TENT4A: variants seen among roughly 807,000 people sequenced by gnomAD.
TENT4A encodes DNA polymerase kappa.
Under a neutral mutation model 72.8 loss-of-function variants are expected in TENT4A, and 7 were observed. That is an observed-to-expected ratio of 0.10 (90% confidence interval 0.05 to 0.18). The LOEUF (loss-of-function observed/expected upper bound fraction) is 0.18. Ranked by LOEUF, TENT4A falls within the 10% of genes least tolerant of loss-of-function variation. The probability of loss-of-function intolerance (pLI) is 1.00; values close to 1 mark genes in which losing one functional copy is unlikely to be tolerated. For synonymous variants in TENT4A, 456 were observed against 434.3 expected (o/e 1.05, Z -0.62); for missense variants, 831 against 1,017.7 (o/e 0.82, Z 2.50).
intron 4 of TENT4A, among the ~76,000 whole-genome samples, chr5:6,740,167 G>A (rs887875881): frequency 1.3e-5 from 2 of 152,226 alleles, no homozygotes; most frequent in East Asian, 3.9e-4. Context: ...ATCTGAAACC[G>A]GACACTGACA....
intron 11 of TENT4A, among the ~76,000 whole-genome samples, chr5:6,752,635 C>G (rs558001786): frequency 5.6e-4 from 85 of 152,238 alleles, no homozygotes; most frequent in Non-Finnish European, 1.1e-3. Context: ...CAATGAGTTT[C>G]AAACTTTATG....
At chr5:6,736,437 AT>A in intron 1 of TENT4A, among the ~76,000 whole-genome samples, 1 of 152,202 alleles carries the variant, frequency 6.6e-6, no homozygotes, top group East Asian at 1.9e-4. Context: ...TGTTTGCCTT[AT>A]TTATGAAACA....
rs1242001776 is a variant in TENT4A at position 6,750,490 on chromosome 5, C to T, written c.1847C>T (p.Ser616Phe). 1 of 1,597,322 alleles carries T rather than the reference C, an allele frequency of 6.3e-7. No individual in the cohort carries two copies. The highest frequency in any genetic ancestry group is 8.5e-7 in the Non-Finnish European group (1 of 1,173,084). Residue 616 changes from serine to phenylalanine, a missense_variant, in exon 10 of 13, where the codon TCT (serine) becomes TTT (phenylalanine). Coordinates refer to ENST00000230859, the MANE Select transcript of TENT4A (RefSeq NM_006999.6). ...GSSASSVSSL[S>F]GSDVDSDTPP... The stretch of plus-strand genomic sequence containing the variant: ...TCGGCCTCTTCTGTGTCTTCACTTT[C>T]TGGGAGTGACGTTGTAAGTGCCCTC...
At chr5:6,740,527 G>C (rs1283116326) in intron 4 of TENT4A, among the ~76,000 whole-genome samples, 1 of 152,174 alleles carries the variant, frequency 6.6e-6, no homozygotes, top group Non-Finnish European at 1.5e-5. Flanking sequence ...ATAGTGTTTA[G>C]CAGAATGTAA....
chr5:6,714,684 G>A lies in TENT4A; in HGVS notation c.701G>A (p.Ser234Asn), dbSNP rs1740269813. 8.4e-7 allele frequency: 1 copy of A among 1,194,460 alleles called. No individual in the cohort carries two copies. Among genetic ancestry groups the A allele is most frequent in the Non-Finnish European group, 1.0e-6 (1 of 963,752 alleles). The allele number at this position is 1,194,460 out of a possible 1,614,324, so 74.0% of individuals were successfully genotyped here. A position where few individuals can be genotyped will look rare whatever the true frequency, so the allele number is the denominator to read the frequency against. Residue 234 changes from serine (S) to asparagine (N), a missense_variant, in exon 1 of 13, where the codon AGC (serine) becomes AAC (asparagine). By Grantham distance (46) the Ser-to-Asn change is conservative. Coordinates refer to ENST00000230859, the MANE Select transcript of TENT4A (RefSeq NM_006999.6). The part of the protein sequence containing the change: ...PGTPWKSRAY[S>N]PGIQGLHEEI... ...ACCCCGTGGAAGAGCCGCGCGTACA[G>A]CCCGGGCATCCAGGGGTGAGTGCGC...
At chr5:6,748,373 C>G in intron 7 of TENT4A, 91 bp from the exon 8 acceptor site, 1 of 1,523,736 alleles carries the variant, frequency 6.6e-7, no homozygotes, top group Non-Finnish European at 9.0e-7. Context: ...GTGGTGAGGG[C>G]CTGCTTCAGA....
chr5:6,742,609 G>T lies in TENT4A; in HGVS notation c.1116+12G>T, dbSNP rs1169987732. 3.2e-6 allele frequency: 5 copies of T among 1,540,974 alleles called. No homozygotes were observed. Among genetic ancestry groups the T allele is most frequent in the Non-Finnish European group, 4.5e-6 (5 of 1,113,478 alleles). ...AGAATTACATGAAGGTACTGTGCTT[G>T]GTGACCCAGCGCGGCGAGAGTGCAG... On this transcript the variant is annotated intron_variant, in intron 5 of 12. Transcript: ENST00000230859.
At chr5:6,717,461 G>A (rs1740444940) in intron 1 of TENT4A, among the ~76,000 whole-genome samples, 1 of 152,208 alleles carries the variant, frequency 6.6e-6, no homozygotes. Context: ...CCTTTTCTGG[G>A]GAGGAGTTTT....
chr5:6,746,998 A>C (rs1742141189), intron 7 of TENT4A, among the ~76,000 whole-genome samples: 1 of 152,220 alleles, frequency 6.6e-6, no homozygotes, highest in African/African-American at 2.4e-5. Flanking sequence ...TGGCGTATTC[A>C]GGGGTATTTA....
intron 1 of TENT4A, among the ~76,000 whole-genome samples, chr5:6,722,185 C>T (rs184676262): frequency 6.6e-6 from 1 of 152,250 alleles, no homozygotes; most frequent in Admixed American, 6.5e-5. Context: ...GTTTCCCCCC[C>T]TGTGAAGCAG....
At chr5:6,741,052 C>A (rs28363361) in intron 4 of TENT4A, among the ~76,000 whole-genome samples, 1 of 152,280 alleles carries the variant, frequency 6.6e-6, no homozygotes, top group Admixed American at 6.5e-5. Flanking sequence ...GGAATCCTGA[C>A]CAGGCGACCA....
intron 1 of TENT4A, among the ~76,000 whole-genome samples, chr5:6,720,862 C>A (rs1740614439): frequency 6.6e-6 from 1 of 151,902 alleles, no homozygotes; most frequent in Admixed American, 6.6e-5. Context: ...AGAGTCACCT[C>A]TGGAACCCAG....
intron 1 of TENT4A, among the ~76,000 whole-genome samples, chr5:6,715,602 CAATT>C (rs774374932): frequency 3.9e-5 from 6 of 152,290 alleles, no homozygotes; most frequent in South Asian, 4.1e-4. Flanking sequence ...ATTTAAAAAA[CAATT>C]AAGGATTTGC....
At chr5:6,743,898 C>G in intron 6 of TENT4A, 58 bp downstream of exon 6, 2 of 1,531,908 alleles carry the variant, frequency 1.3e-6, no homozygotes, top group East Asian at 4.6e-5. Flanking sequence ...TAGACTCTTC[C>G]AACCAGTTGC....
At chr5:6,718,554 C>T (rs1740496690) in intron 1 of TENT4A, among the ~76,000 whole-genome samples, 1 of 152,202 alleles carries the variant, frequency 6.6e-6, no homozygotes, top group South Asian at 2.1e-4. Context: ...GTTTCACTCT[C>T]CGAGTCCCAG....
chr5:6,743,886 A>T, intron 6 of TENT4A, 46 bp downstream of exon 6: 1 of 1,592,594 alleles, frequency 6.3e-7, no homozygotes, highest in Non-Finnish European at 8.6e-7. Flanking sequence ...CATGTGTAAG[A>T]GTAGACTCTT....
chr5:6,755,028 C>T lies in TENT4A; in HGVS notation c.*83C>T. 2 of 1,266,742 alleles carry T rather than the reference C, an allele frequency of 1.6e-6. No homozygotes were observed. Among genetic ancestry groups the T allele is most frequent in the South Asian group, 1.7e-5 (1 of 59,696 alleles). The allele number at this position is 1,266,742 out of a possible 1,614,324, so 78.5% of individuals were successfully genotyped here. ...CCACCGGCAGGGGAACCGAGACCAG[C>T]ACCCCGCACGTCAGCCGGGCTCGCG... On this transcript the variant is annotated 3_prime_UTR_variant, in exon 13 of 13. Transcript: ENST00000230859.
chr5:6,722,040 C>G (rs1032356741), intron 1 of TENT4A, among the ~76,000 whole-genome samples: 1 of 152,190 alleles, frequency 6.6e-6, no homozygotes, highest in African/African-American at 2.4e-5. Context: ...TGCATCAGAC[C>G]TGCTCGGTGG....
chr5:6,725,128 T>C (rs1403166236), intron 1 of TENT4A, among the ~76,000 whole-genome samples: 3 of 152,230 alleles, frequency 2.0e-5, no homozygotes, highest in South Asian at 2.1e-4. Context: ...GAGACCATCC[T>C]GGCTAACACA....
Sources: gnomAD v4.1 joint callset for allele counts (sites outside exome capture counted in the v4.1 genomes callset) on GRCh38, gnomAD v4.1.1 for gene constraint, MANE v1.5 for transcripts, NCBI Gene and HGNC (gene_info 2026-07-23, HGNC 2026-07-21) for gene names.